The following ZDHHC15 variants were observed in gnomAD, a reference collection of about 807,000 sequenced individuals.
ZDHHC15 encodes the protein palmitoyltransferase ZDHHC15.
In ZDHHC15, 19 loss-of-function variants were observed where a neutral mutation model predicts 31.7. That is an observed-to-expected ratio of 0.60 (90% CI 0.42 to 0.88). ZDHHC15 has a LOEUF of 0.88. Ranked by LOEUF, ZDHHC15 falls within the 40% of genes least tolerant of loss-of-function variation. The pLI, the probability that ZDHHC15 is intolerant of heterozygous loss-of-function variation, is 0.00. For synonymous variants in ZDHHC15, 103 were observed against 90.0 expected, an observed-to-expected ratio of 1.14 and a Z score of -0.82; for missense variants, 209 against 251.2, an observed-to-expected ratio of 0.83 and a Z score of 1.14.
intron 2 of ZDHHC15, among the ~76,000 whole-genome samples, chrX:75,490,691 T>A (rs1392822159): frequency 8.1e-5 from 9 of 111,361 alleles, no homozygotes; most frequent in Non-Finnish European, 1.1e-4. Flanking sequence ...TAGTTCTCCT[T>A]GAAGAGGTCT....
chrX:75,503,855 CTGAAA>C (rs1410658466), intron 2 of ZDHHC15, among the ~76,000 whole-genome samples: 1 of 111,344 alleles, frequency 9.0e-6, no homozygotes, highest in Non-Finnish European at 1.9e-5. Context: ...CATACTCTTG[CTGAAA>C]TGCCCAGGGG....
intron 9 of ZDHHC15, among the ~76,000 whole-genome samples, chrX:75,420,229 G>T (rs1418602793): frequency 1.8e-5 from 2 of 111,569 alleles, no homozygotes; most frequent in Non-Finnish European, 3.8e-5. Context: ...GGTCATTAGA[G>T]AAATGCAAAT....
chrX:75,491,915 T>G (rs2148012566), intron 2 of ZDHHC15, among the ~76,000 whole-genome samples: 1 of 111,579 alleles, frequency 9.0e-6, no homozygotes, highest in African/African-American at 3.3e-5. Flanking sequence ...AACATCATAA[T>G]GACAGGATAA....
At chrX:75,482,989 G>A (rs888862248) in intron 2 of ZDHHC15, among the ~76,000 whole-genome samples, 9 of 93,010 alleles carry the variant, frequency 9.7e-5, no homozygotes, top group Non-Finnish European at 1.6e-4. Flanking sequence ...GTATGTATAT[G>A]TGTGTGTATG....
At chrX:75,415,180 C>G (rs1218456985) in intron 10 of ZDHHC15, among the ~76,000 whole-genome samples, 2 of 111,879 alleles carry the variant, frequency 1.8e-5, no homozygotes, top group African/African-American at 6.5e-5. Flanking sequence ...GTAATTTCAA[C>G]TTACAGCACC....
intron 3 of ZDHHC15, among the ~76,000 whole-genome samples, chrX:75,457,297 T>C (rs991742212): frequency 1.8e-5 from 2 of 110,823 alleles, no homozygotes; most frequent in African/African-American, 6.6e-5. Context: ...TCTTGTGAAA[T>C]AGCTTTTCAA....
At position 75,513,525 on chromosome X, in the gene ZDHHC15, C is replaced by T. The variant is rs185072576; in HGVS notation, c.137-7678G>A. Among the ~76,000 whole-genome samples, 215 of 111,181 alleles carry T rather than the reference C, an allele frequency of 1.9e-3. 2 individuals carry two copies. The highest frequency in any genetic ancestry group is 3.1e-3 in the Non-Finnish European group (163 of 53,063). ...GTGACATTTTAAAGTGGCTGCCTAC[C>T]ATCCTCCACATCCCAGATCAGTAGA... is the stretch of plus-strand genomic sequence containing the variant. On this transcript the variant is annotated intron_variant, in intron 1 of 11. Coordinates refer to ENST00000373367, the MANE Select transcript of ZDHHC15 (RefSeq NM_144969.3).
chrX:75,497,654 G>C (rs1440778154), intron 2 of ZDHHC15, among the ~76,000 whole-genome samples: 14 of 111,788 alleles, frequency 1.3e-4, no homozygotes, highest in Non-Finnish European at 3.8e-5. Flanking sequence ...TCCTACCAAG[G>C]ATGCAGGGCT....
intron 3 of ZDHHC15, among the ~76,000 whole-genome samples, chrX:75,472,755 T>C (rs1256596660): frequency 8.9e-6 from 1 of 111,791 alleles, no homozygotes; most frequent in Non-Finnish European, 1.9e-5. Context: ...GTGGCAAGGA[T>C]GGAGGTTATG....
chrX:75,431,090 A>G (rs1381160536), intron 5 of ZDHHC15, among the ~76,000 whole-genome samples: 2 of 112,210 alleles, frequency 1.8e-5, no homozygotes, highest in African/African-American at 6.5e-5. Flanking sequence ...GACTTCAGTT[A>G]AAAATAATGT....
chrX:75,424,283 C>A (rs1379508033), intron 8 of ZDHHC15, among the ~76,000 whole-genome samples: 1 of 110,545 alleles, frequency 9.0e-6, no homozygotes, highest in African/African-American at 3.3e-5. Flanking sequence ...CTTTATCAAA[C>A]TTTACTTCTC....
intron 4 of ZDHHC15, among the ~76,000 whole-genome samples, chrX:75,443,309 T>C (rs780269917): frequency 1.8e-5 from 2 of 110,250 alleles, no homozygotes; most frequent in South Asian, 7.8e-4. Flanking sequence ...TCAGAAATAA[T>C]GCCACACATC....
rs142191697 is a variant in ZDHHC15, at chrX:75,481,159, T to C, written c.164-2174A>G. 8.0e-3 allele frequency among the ~76,000 whole-genome samples: 892 copies of C among 111,390 alleles called. 11 individuals are homozygous for C. Among genetic ancestry groups the C allele is most frequent in the African/African-American group, 0.027 (820 of 30,684 alleles). The stretch of plus-strand genomic sequence containing the variant: ...TTTTTGTTTCTTTGATTTTATGAGG[T>C]TTGTACGGGGAAAATTACATGACTA... On this transcript the variant is annotated intron_variant, in intron 2 of 11. Coordinates refer to ENST00000373367, the MANE Select transcript of ZDHHC15 (RefSeq NM_144969.3).
At chrX:75,403,041 T>C (rs988885083) in intron 10 of ZDHHC15, among the ~76,000 whole-genome samples, 5 of 112,099 alleles carry the variant, frequency 4.5e-5, no homozygotes, top group Non-Finnish European at 7.5e-5. Flanking sequence ...CAATCCACCA[T>C]GATCAGGTAG....
intron 10 of ZDHHC15, among the ~76,000 whole-genome samples, chrX:75,381,527 C>G (rs949420501): frequency 2.7e-5 from 3 of 111,782 alleles, no homozygotes; most frequent in Non-Finnish European, 5.6e-5. Context: ...CTTGTCTCTC[C>G]AAATTTCAAT....
chrX:75,507,437 C>T (rs777523391), intron 1 of ZDHHC15, among the ~76,000 whole-genome samples: 5 of 110,713 alleles, frequency 4.5e-5, no homozygotes, highest in Non-Finnish European at 9.5e-5. Context: ...AAAGATGTGG[C>T]ACTTATCTTG....
At chrX:75,519,357 C>A (rs1356129597) in intron 1 of ZDHHC15, among the ~76,000 whole-genome samples, 4 of 111,296 alleles carry the variant, frequency 3.6e-5, no homozygotes, top group Non-Finnish European at 5.7e-5. Context: ...AACTGTGATG[C>A]ATGCTTTTCA....
chrX:75,449,356 T>C (rs2084082723), intron 4 of ZDHHC15, among the ~76,000 whole-genome samples: 1 of 110,889 alleles, frequency 9.0e-6, no homozygotes, highest in Non-Finnish European at 1.9e-5. Context: ...AAGCCTTTCC[T>C]ATTACTGCCT....
chrX:75,444,686 A>ACG (rs1445307919), intron 4 of ZDHHC15, among the ~76,000 whole-genome samples: 1 of 84,806 alleles, frequency 1.2e-5, no homozygotes, highest in African/African-American at 5.1e-5. Context: ...ATATATATAT[A>ACG]TACACACACA....
Sources: allele counts gnomAD v4.1 joint callset (sites outside exome capture counted in the v4.1 genomes callset), GRCh38; gene constraint gnomAD v4.1.1; transcripts MANE v1.5; gene names NCBI Gene and HGNC (gene_info 2026-07-23, HGNC 2026-07-21).